Variants in SLC24A4 observed in about 807,000 individuals in gnomAD.
SLC24A4 encodes the protein solute carrier family 24 member 4, also known as sodium/potassium/calcium exchanger 4.
SLC24A4 carries 53 observed loss-of-function variants against 79.0 expected under a neutral mutation model. The ratio of observed to expected loss-of-function variants is 0.67; its 90% CI spans 0.54 to 0.84. The LOEUF (loss-of-function observed/expected upper bound fraction) is 0.84. SLC24A4 is among the 40% of genes least tolerant of loss of function. The pLI is 0.00. For missense variants in SLC24A4, 731 were observed against 822.0 expected (o/e 0.89, Z 1.35); for synonymous variants, 323 against 323.8 (o/e 1.00, Z 0.03).
At position 92,323,318 on chromosome 14, in the gene SLC24A4, C is replaced by T. The variant is rs1290257500; in HGVS notation, c.-513C>T. 6.6e-6 allele frequency: 1 copy of T among 152,018 alleles called. No individual in the cohort carries two copies. Among genetic ancestry groups the T allele is most frequent in the African/African-American group, 2.4e-5 (1 of 41,400 alleles). 9.4% of individuals were successfully genotyped at this position (152,018 alleles called of 1,614,324 possible). On this transcript the variant is annotated 5_prime_UTR_variant, in exon 1 of 17. Coordinates refer to ENST00000532405, the MANE Select transcript of SLC24A4 (RefSeq NM_153646.4). The surrounding 1 kb of genome is among the most constrained non-coding windows in gnomAD (Gnocchi z 4.9). ...CGGCGCGCACTCGGCCGCCCGGGCT[C>T]GGCTCGTCGGGAAGCAGGGGAACAT... is the stretch of plus-strand genomic sequence containing the variant.
rs1476455917 is a variant in SLC24A4 at position 92,490,841 on chromosome 14, C to T, written c.1538-824C>T. On this transcript the variant is annotated intron_variant, in intron 14 of 16. Coordinates refer to ENST00000532405, the MANE Select transcript of SLC24A4 (RefSeq NM_153646.4). The surrounding 1 kb of genome is among the most constrained non-coding windows in gnomAD (Gnocchi z 4.3). ...GTTCCCACAAACGGGGTGCCGTAAACAACGGAAGTGTATTGTCTTGTGGTT... is the reference window on the plus strand; with the variant it reads ...GTTCCCACAAACGGGGTGCCGTAAATAACGGAAGTGTATTGTCTTGTGGTT... Among the ~76,000 whole-genome samples, 4 of 152,238 alleles carry T rather than the reference C, an allele frequency of 2.6e-5. No homozygotes were observed. The highest frequency in any genetic ancestry group is 2.6e-4 in the Admixed American group (4 of 15,286).
intron 12 of SLC24A4, among the ~76,000 whole-genome samples, chr14:92,478,933 G>T (rs777645725): frequency 2.0e-5 from 3 of 152,102 alleles, no homozygotes; most frequent in Non-Finnish European, 2.9e-5. Context: ...TTGCATAAAT[G>T]TTAGGTTTTT....
At chr14:92,427,016 C>T (rs749411985) in intron 2 of SLC24A4, among the ~76,000 whole-genome samples, 3 of 152,214 alleles carry the variant, frequency 2.0e-5, no homozygotes, top group Non-Finnish European at 4.4e-5. Flanking sequence ...ATTCAATTCA[C>T]AGTTTACATT....
chr14:92,324,484 G>A (rs1459294196), intron 1 of SLC24A4, among the ~76,000 whole-genome samples: 1 of 152,184 alleles, frequency 6.6e-6, no homozygotes, highest in Non-Finnish European at 1.5e-5. Context: ...TCAGCATCGC[G>A]TCTCTCAACT....
intron 12 of SLC24A4, among the ~76,000 whole-genome samples, chr14:92,458,402 G>A (rs1396999982): frequency 6.6e-6 from 1 of 152,172 alleles, no homozygotes; most frequent in Non-Finnish European, 1.5e-5. Flanking sequence ...TGGCATGCCC[G>A]CACACCTGCC....
intron 13 of SLC24A4, among the ~76,000 whole-genome samples, chr14:92,485,099 TGAA>T (rs1216720516): frequency 4.6e-5 from 7 of 152,154 alleles, no homozygotes; most frequent in African/African-American, 1.4e-4. Context: ...GCTTCCATGA[TGAA>T]GATTAAAGTC....
chr14:92,452,232 T>C (rs968169154), intron 10 of SLC24A4: 2 of 152,244 alleles, frequency 1.3e-5, no homozygotes, highest in African/African-American at 4.8e-5. Context: ...TGAGCCCAGT[T>C]GTTCCTCCAG....
intron 2 of SLC24A4, among the ~76,000 whole-genome samples, chr14:92,391,858 C>A (rs1889481600): frequency 6.6e-6 from 1 of 152,244 alleles, no homozygotes; most frequent in Non-Finnish European, 1.5e-5. Flanking sequence ...ACCGCCAGCA[C>A]CAGCTGCCGG....
chr14:92,325,689 A>G (rs1311043605), intron 1 of SLC24A4, among the ~76,000 whole-genome samples, 179 bp from the exon 2 acceptor site: 1 of 152,212 alleles, frequency 6.6e-6, no homozygotes, highest in African/African-American at 2.4e-5. Context: ...GATCCAGGAA[A>G]CAGGCCATTG....
intron 2 of SLC24A4, among the ~76,000 whole-genome samples, chr14:92,337,932 CCT>C (rs1417046721): frequency 3.9e-5 from 6 of 152,014 alleles, no homozygotes; most frequent in Non-Finnish European, 5.9e-5. Context: ...TCGGAGCTGC[CCT>C]CTGATAAAGG....
intron 14 of SLC24A4, among the ~76,000 whole-genome samples, chr14:92,489,163 C>T (rs1389158748): frequency 2.0e-5 from 3 of 151,952 alleles, no homozygotes; most frequent in South Asian, 2.1e-4. Flanking sequence ...CCTGGCTGGG[C>T]GCGGTGGGTC....
intron 13 of SLC24A4, among the ~76,000 whole-genome samples, chr14:92,483,094 GGCA>G (rs1339284355): frequency 2.6e-5 from 4 of 152,174 alleles, no homozygotes; most frequent in Non-Finnish European, 5.9e-5. Flanking sequence ...CCTTTGCACA[GGCA>G]GCCTAAATCA....
At chr14:92,344,812 G>T (rs943076115) in intron 2 of SLC24A4, among the ~76,000 whole-genome samples, 2 of 152,176 alleles carry the variant, frequency 1.3e-5, no homozygotes, top group Non-Finnish European at 2.9e-5. Context: ...GCTTTGTTCT[G>T]TTGGGCCCTC....
At chr14:92,333,919 CA>C (rs1885627684) in intron 2 of SLC24A4, among the ~76,000 whole-genome samples, 1 of 151,748 alleles carries the variant, frequency 6.6e-6, no homozygotes, top group South Asian at 2.1e-4. Context: ...CAGGTGCCCT[CA>C]GGGGTGGGCC....
intron 2 of SLC24A4, among the ~76,000 whole-genome samples, chr14:92,366,351 A>G (rs1887838668): frequency 6.6e-6 from 1 of 152,202 alleles, no homozygotes; most frequent in Non-Finnish European, 1.5e-5. Flanking sequence ...CCCCTCGGGC[A>G]GAGGAATGTG....
At chr14:92,385,302 C>G (rs1400029698) in intron 2 of SLC24A4, among the ~76,000 whole-genome samples, 2 of 152,020 alleles carry the variant, frequency 1.3e-5, no homozygotes, top group African/African-American at 4.8e-5. Flanking sequence ...GCCAGGAGAT[C>G]GATACCATCC....
chr14:92,333,138 G>A (rs1885574715), intron 2 of SLC24A4, among the ~76,000 whole-genome samples: 1 of 152,282 alleles, frequency 6.6e-6, no homozygotes, highest in East Asian at 1.9e-4. Flanking sequence ...CCCTCACCCA[G>A]GTTAGAGTGC....
chr14:92,353,594 G>A lies in SLC24A4; in HGVS notation c.241+27616G>A, dbSNP rs1887005775. 6.6e-6 allele frequency among the ~76,000 whole-genome samples: 1 copy of A among 152,202 alleles called. No homozygotes were observed. Among genetic ancestry groups the A allele is most frequent in the South Asian group, 2.1e-4 (1 of 4,832 alleles). Reference sequence around the variant, plus strand: ...GACCTGTTGAGTTTGCCAATCTGGAGGGTGAATCATGGTATCTCAGTTTGT... The same window carrying A: ...GACCTGTTGAGTTTGCCAATCTGGAAGGTGAATCATGGTATCTCAGTTTGT... On this transcript the variant is annotated intron_variant, in intron 2 of 16. Coordinates refer to ENST00000532405, the MANE Select transcript of SLC24A4 (RefSeq NM_153646.4). The surrounding 1 kb of genome is among the most constrained non-coding windows in gnomAD (Gnocchi z 4.1).
chr14:92,333,921 G>A (rs997684227), intron 2 of SLC24A4, among the ~76,000 whole-genome samples: 1 of 152,150 alleles, frequency 6.6e-6, no homozygotes, highest in African/African-American at 2.4e-5. Context: ...GGTGCCCTCA[G>A]GGGTGGGCCT....
Sources: allele counts gnomAD v4.1 joint callset (sites outside exome capture counted in the v4.1 genomes callset), GRCh38; gene constraint gnomAD v4.1.1; non-coding constraint Gnocchi (gnomAD v3.1); transcripts MANE v1.5; gene names NCBI Gene and HGNC (gene_info 2026-07-23, HGNC 2026-07-21).